The following GTF2I variants were observed in gnomAD, a reference collection of about 807,000 sequenced individuals.
GTF2I encodes general transcription factor IIi, also known as general transcription factor II-I.
In GTF2I, 12 loss-of-function variants were observed where a neutral mutation model predicts 67.6. The ratio of observed to expected loss-of-function variants is 0.18; its 90% CI spans 0.11 to 0.29. The LOEUF (loss-of-function observed/expected upper bound fraction) is 0.29, where lower values mean the gene tolerates loss of function less well. GTF2I is among the 10% of genes least tolerant of loss of function. The pLI, the probability that GTF2I is intolerant of heterozygous loss-of-function variation, is 1.00. For synonymous variants in GTF2I, 149 were observed against 197.0 expected, an observed-to-expected ratio of 0.76 and a Z score of 2.04; for missense variants, 271 against 580.1, an observed-to-expected ratio of 0.47 and a Z score of 5.47.
rs35605839 is a variant in GTF2I, at chr7:74,660,621, C to CTTT, written c.-6+2566_-6+2568dup. ...TTCCTTTTCCTTTTTCTTTTCTTTT[C>CTTT]TTTTTTTTTTTTTTTCGGAAGCGGA... On this transcript the variant is annotated intron_variant, in intron 1 of 34. Coordinates refer to ENST00000573035, the MANE Select transcript of GTF2I (RefSeq NM_032999.4). Among the ~76,000 whole-genome samples the CTTT allele has an allele frequency of 2.9e-3, 356 of 124,524 alleles. 9 individuals are homozygous for CTTT. Among genetic ancestry groups the CTTT allele is most frequent in the Non-Finnish European group, 4.2e-3 (261 of 61,788 alleles). The allele number at this position is 124,524 out of a possible 152,430, so 81.7% of individuals were successfully genotyped here. A position where few individuals can be genotyped will look rare whatever the true frequency, so the allele number is the denominator to read the frequency against.
At chr7:74,723,613 A>G (rs1285076219) in intron 12 of GTF2I, among the ~76,000 whole-genome samples, 1 of 151,000 alleles carries the variant, frequency 6.6e-6, no homozygotes, top group Non-Finnish European at 1.5e-5. Flanking sequence ...TACTTTTAGT[A>G]CAGACAGGGG....
chr7:74,707,872 G>A (rs1349643321), intron 8 of GTF2I, among the ~76,000 whole-genome samples: 1 of 151,544 alleles, frequency 6.6e-6, no homozygotes, highest in African/African-American at 2.4e-5. Context: ...CATCATTATA[G>A]GTTTTTTTTT....
At chr7:74,660,477 C>G (rs1804376398) in intron 1 of GTF2I, among the ~76,000 whole-genome samples, 2 of 152,168 alleles carry the variant, frequency 1.3e-5, no homozygotes, top group Non-Finnish European at 2.9e-5. Context: ...CAGGCGTGAG[C>G]CACCGCTCCC....
intron 15 of GTF2I, among the ~76,000 whole-genome samples, chr7:74,733,115 C>T (rs1278324998): frequency 4.2e-5 from 5 of 117,928 alleles, no homozygotes; most frequent in Non-Finnish European, 6.9e-5. Flanking sequence ...TACAGGCGTG[C>T]GCCACCATGC....
chr7:74,687,644 A>G (rs1554395848), intron 1 of GTF2I: 1 of 628,116 alleles, frequency 1.6e-6, no homozygotes, highest in Non-Finnish European at 2.0e-6. Flanking sequence ...CACAGTCTTT[A>G]ATAATAGGGA....
At chr7:74,658,445 C>G (rs1804135871) in intron 1 of GTF2I, among the ~76,000 whole-genome samples, 1 of 144,526 alleles carries the variant, frequency 6.9e-6, no homozygotes, top group Non-Finnish European at 1.5e-5. Flanking sequence ...ATCCCGCGCG[C>G]GAGCGAGCGA....
intron 6 of GTF2I, among the ~76,000 whole-genome samples, chr7:74,703,798 T>C (rs1335031957): frequency 6.6e-6 from 1 of 152,222 alleles, no homozygotes; most frequent in Non-Finnish European, 1.5e-5. Context: ...CATTTAGATC[T>C]ATGGTTCATT....
At chr7:74,697,120 G>A (rs1223810619) in intron 3 of GTF2I, among the ~76,000 whole-genome samples, 1 of 151,968 alleles carries the variant, frequency 6.6e-6, no homozygotes, top group South Asian at 2.1e-4. Context: ...TTAATGGGCC[G>A]GGTGTGGTGG....
chr7:74,706,369 A>C, intron 7 of GTF2I, 21 bp from the exon 8 acceptor site: 1 of 1,611,934 alleles, frequency 6.2e-7, no homozygotes, highest in South Asian at 1.1e-5. Flanking sequence ...TGGCTTGATC[A>C]GGGCTTTCTT....
chr7:74,695,174 A>T (rs587665780), intron 3 of GTF2I, among the ~76,000 whole-genome samples: 1 of 152,208 alleles, frequency 6.6e-6, no homozygotes, highest in East Asian at 1.9e-4. Context: ...CTTGTTGCCC[A>T]TGCTGGAGTG....
chr7:74,661,401 C>T (rs782059867), intron 1 of GTF2I, among the ~76,000 whole-genome samples: 2 of 152,060 alleles, frequency 1.3e-5, no homozygotes, highest in Non-Finnish European at 2.9e-5. Flanking sequence ...AGATCTTGGC[C>T]GGGTGCGGTG....
chr7:74,683,836 G>C (rs1376449903), intron 1 of GTF2I, among the ~76,000 whole-genome samples: 1 of 151,954 alleles, frequency 6.6e-6, no homozygotes, highest in African/African-American at 2.4e-5. Flanking sequence ...CGGGGCAACA[G>C]AGCGAGACTC....
intron 6 of GTF2I, among the ~76,000 whole-genome samples, chr7:74,702,251 C>T (rs939515318): frequency 6.0e-5 from 9 of 149,982 alleles, no homozygotes; most frequent in East Asian, 3.9e-4. Context: ...TTAATTGAGA[C>T]GGAGTCTCGT....
chr7:74,726,831 C>CAACAGATA (rs1227309663), intron 12 of GTF2I: 2 of 115,732 alleles, frequency 1.7e-5, no homozygotes, highest in Admixed American at 9.2e-5. Flanking sequence ...GAGACCCTCC[C>CAACAGATA]GACAGATAGA....
intron 14 of GTF2I, among the ~76,000 whole-genome samples, chr7:74,730,713 CTTTTTTT>C (rs869183139): frequency 4.7e-5 from 3 of 63,920 alleles, no homozygotes; most frequent in South Asian, 7.2e-4. Flanking sequence ...CTACTTTTAT[CTTTTTTT>C]TTTTTTTTTT....
intron 1 of GTF2I, among the ~76,000 whole-genome samples, chr7:74,660,319 G>C (rs1472822298): frequency 2.0e-5 from 3 of 150,994 alleles, no homozygotes; most frequent in Non-Finnish European, 3.0e-5. Flanking sequence ...TCTCCCCCGA[G>C]TAGCTGGGAT....
chr7:74,723,428 C>CCTTTTTTTTTT (rs1793319970), intron 12 of GTF2I, among the ~76,000 whole-genome samples: 1 of 61,072 alleles, frequency 1.6e-5, no homozygotes, highest in African/African-American at 8.3e-5. Flanking sequence ...CTCCCGGCCT[C>CCTTTTTTTTTT]TTTTTTTTTT....
chr7:74,670,952 C>G lies in GTF2I; in HGVS notation c.-6+12884C>G, dbSNP rs587660180. 4.8e-4 allele frequency among the ~76,000 whole-genome samples: 73 copies of G among 151,916 alleles called. 1 individual carries two copies. Among genetic ancestry groups the G allele is most frequent in the Admixed American group, 2.2e-3 (33 of 15,208 alleles). On this transcript the variant is annotated intron_variant, in intron 1 of 34. Transcript: ENST00000573035. The stretch of plus-strand genomic sequence containing the variant: ...AAAAATGGTGTCTTAAACTGTGGTG[C>G]AAGGAAAATAGGTCTTTCCGAATAG...
chr7:74,722,875 T>C (rs1225542628), intron 12 of GTF2I: 1 of 152,154 alleles, frequency 6.6e-6, no homozygotes, highest in Admixed American at 6.6e-5. Context: ...TACACAATTA[T>C]ATATGTAAAA....
Sources: gnomAD v4.1 joint callset for allele counts (sites outside exome capture counted in the v4.1 genomes callset) on GRCh38, gnomAD v4.1.1 for gene constraint, MANE v1.5 for transcripts, NCBI Gene and HGNC (gene_info 2026-07-23, HGNC 2026-07-21) for gene names.